CPLANE1: variants seen among roughly 807,000 people sequenced by gnomAD.
CPLANE1 encodes ciliogenesis and planar polarity effector complex subunit 1.
A neutral mutation model predicts 362.5 loss-of-function variants in CPLANE1; 263 were observed. That is an observed-to-expected ratio of 0.73 (90% confidence interval 0.66 to 0.80). The LOEUF (loss-of-function observed/expected upper bound fraction) is 0.80, where lower values mean the gene tolerates loss of function less well. CPLANE1 is among the 30% of genes least tolerant of loss of function. CPLANE1 has a pLI of 0.00. For missense variants in CPLANE1, 3,461 were observed against 3,793.4 expected (o/e 0.91, Z 2.30); for synonymous variants, 1,212 against 1,302.6 (o/e 0.93, Z 1.50).
intron 51 of CPLANE1, among the ~76,000 whole-genome samples, chr5:37,114,192 T>C (rs1760208322): frequency 6.6e-6 from 1 of 152,204 alleles, no homozygotes; most frequent in African/African-American, 2.4e-5. Context: ...ACAGATTTTG[T>C]TGGATTTAAT....
intron 39 of CPLANE1, 54 bp downstream of exon 39, chr5:37,158,170 C>A: frequency 1.3e-6 from 2 of 1,568,160 alleles, no homozygotes; most frequent in Non-Finnish European, 1.8e-6. Context: ...TCTACATGAC[C>A]ATAATACATT....
intron 42 of CPLANE1, among the ~76,000 whole-genome samples, chr5:37,152,653 C>G (rs918589878): frequency 6.6e-6 from 1 of 151,958 alleles, no homozygotes; most frequent in African/African-American, 2.4e-5. Flanking sequence ...CTTTTGGAGG[C>G]CAAGGCAAGG....
chr5:37,076,633 C>CCAAT, the CPLANE1 span, among the ~76,000 whole-genome samples: 1 of 151,890 alleles, frequency 6.6e-6, no homozygotes, highest in African/African-American at 2.4e-5. Flanking sequence ...TTGCCACTCA[C>CCAAT]CAATCAGAAA....
intron 8 of CPLANE1, among the ~76,000 whole-genome samples, chr5:37,233,037 A>G (rs1798101518): frequency 6.6e-6 from 1 of 152,122 alleles, no homozygotes; most frequent in Admixed American, 6.5e-5. Flanking sequence ...TCATACCCCA[A>G]AACAGGCTTT....
the CPLANE1 span, among the ~76,000 whole-genome samples, chr5:37,100,467 T>C: frequency 2.6e-5 from 4 of 152,324 alleles, no homozygotes; most frequent in East Asian, 5.8e-4. Context: ...CATTGGTCTA[T>C]GTGTCTGTTT....
intron 21 of CPLANE1, among the ~76,000 whole-genome samples, chr5:37,191,204 T>C (rs1171843100): frequency 6.6e-6 from 1 of 151,924 alleles, no homozygotes; most frequent in Non-Finnish European, 1.5e-5. Context: ...AAAAAAAGTT[T>C]AAACAGTAAA....
At chr5:37,201,163 G>C (rs1369479223) in intron 19 of CPLANE1, among the ~76,000 whole-genome samples, 1 of 152,112 alleles carries the variant, frequency 6.6e-6, no homozygotes, top group African/African-American at 2.4e-5. Flanking sequence ...ATAAATAAGA[G>C]ACTGAAATAA....
At chr5:37,140,329 C>G (rs1019026078) in intron 44 of CPLANE1, 1 of 977,160 alleles carries the variant, frequency 1.0e-6, no homozygotes. Flanking sequence ...TATGAAATAC[C>G]TGTTTTCTTG....
At chr5:37,123,710 G>C (rs1276027875) in intron 47 of CPLANE1, among the ~76,000 whole-genome samples, 1 of 151,716 alleles carries the variant, frequency 6.6e-6, no homozygotes, top group Non-Finnish European at 1.5e-5. Context: ...TTTTTTTGTA[G>C]AGACAAGGTC....
At chr5:37,142,694 G>A (rs1770146393) in intron 43 of CPLANE1, 6 of 363,350 alleles carry the variant, frequency 1.7e-5, no homozygotes, top group Middle Eastern at 7.4e-4. Flanking sequence ...AGACTGAGCT[G>A]AAGTACATAG....
rs1392607136 is a variant in CPLANE1 at position 37,107,733 on chromosome 5, C to T, written c.9625G>A (p.Val3209Met). 6.2e-7 allele frequency: 1 copy of T among 1,611,842 alleles called. No individual in the cohort carries two copies. Among genetic ancestry groups the T allele is most frequent in the Non-Finnish European group, 8.5e-7 (1 of 1,179,054 alleles). ...TCAGACACGCTGTCCACACCGCCCACCCCAAAAGGATGCTCTGGCTCTTCC... is the reference window on the plus strand; with the variant it reads ...TCAGACACGCTGTCCACACCGCCCATCCCAAAAGGATGCTCTGGCTCTTCC... ...EEEEPEHPFG[V>M]GGVDSVSEST... Residue 3209 changes from valine (V) to methionine (M), a missense_variant, in exon 53 of 53, where the codon GTG becomes ATG. By Grantham distance (21) the Val-to-Met change is conservative. Transcript: ENST00000651892.
intron 44 of CPLANE1, chr5:37,140,485 T>A (rs1369972696): frequency 1.0e-6 from 1 of 984,150 alleles, no homozygotes; most frequent in Non-Finnish European, 1.2e-6. Context: ...ATTAGCGTAA[T>A]AGTAATAGTT....
the CPLANE1 span, among the ~76,000 whole-genome samples, chr5:37,080,722 G>C: frequency 6.6e-6 from 1 of 152,154 alleles, no homozygotes; most frequent in Non-Finnish European, 1.5e-5. Context: ...CAGCTAGAGT[G>C]GAGCACCAAC....
chr5:37,096,035 T>C, the CPLANE1 span, among the ~76,000 whole-genome samples: 1 of 152,114 alleles, frequency 6.6e-6, no homozygotes, highest in Non-Finnish European at 1.5e-5. Context: ...GCAGTTCCCA[T>C]CAAAATACCA....
At chr5:37,239,220 T>C (rs774455416) in intron 7 of CPLANE1, among the ~76,000 whole-genome samples, 2 of 152,176 alleles carry the variant, frequency 1.3e-5, no homozygotes, top group African/African-American at 2.4e-5. Flanking sequence ...TTGAAAGTTA[T>C]GGGATCTACT....
At position 37,227,084 on chromosome 5, in the gene CPLANE1, A is replaced by AG. The variant is rs1226613201; in HGVS notation, c.1522-12dup. ...TTCTGCTTCAAAATCCTAAAACATG[A>AG]GGGGAAAAAAATGATACTTAATACC... On this transcript the variant is annotated splice_polypyrimidine_tract_variant and intron_variant, in intron 11 of 52. Transcript: ENST00000651892. The AG allele has an allele frequency of 1.4e-5, 22 of 1,531,846 alleles. No homozygotes were observed. Among genetic ancestry groups the AG allele is most frequent in the Non-Finnish European group, 1.8e-5 (21 of 1,138,682 alleles). 94.9% of individuals were successfully genotyped at this position (1,531,846 alleles called of 1,614,324 possible). A position where few individuals can be genotyped will look rare whatever the true frequency, so the allele number is the denominator to read the frequency against.
At chr5:37,091,183 G>T in the CPLANE1 span, among the ~76,000 whole-genome samples, 1 of 152,132 alleles carries the variant, frequency 6.6e-6, no homozygotes, top group Non-Finnish European at 1.5e-5. Flanking sequence ...AACCTCATCA[G>T]TTATGGCAAA....
At chr5:37,247,373 A>C (rs562859861) in intron 2 of CPLANE1, among the ~76,000 whole-genome samples, 1 of 152,346 alleles carries the variant, frequency 6.6e-6, no homozygotes, top group Non-Finnish European at 1.5e-5. Flanking sequence ...TATGAAAAAA[A>C]TAGTTTAAGT....
chr5:37,207,606 T>C (rs1005022444), intron 16 of CPLANE1, among the ~76,000 whole-genome samples: 3 of 152,170 alleles, frequency 2.0e-5, no homozygotes, highest in Admixed American at 6.5e-5. Flanking sequence ...TGTATATGCA[T>C]CCTGAAACAT....
Sources: allele counts gnomAD v4.1 joint callset (sites outside exome capture counted in the v4.1 genomes callset), GRCh38; gene constraint gnomAD v4.1.1; transcripts MANE v1.5; gene names NCBI Gene and HGNC (gene_info 2026-07-23, HGNC 2026-07-21).